SKIC3: variants seen among roughly 807,000 people sequenced by gnomAD.
SKIC3 encodes the protein SKI3 subunit of superkiller complex.
the SKIC3 span, among the ~76,000 whole-genome samples, chr5:95,465,727 T>C: frequency 6.6e-6 from 1 of 152,232 alleles, no homozygotes; most frequent in African/African-American, 2.4e-5. Flanking sequence ...TTCCCACATA[T>C]GCAGTCGGTT....
the SKIC3 span, chr5:95,516,877 T>C: frequency 3.2e-6 from 5 of 1,559,410 alleles, no homozygotes; most frequent in South Asian, 3.5e-5. Context: ...AAGCATTATG[T>C]TTTTGAAAAG....
the SKIC3 span, among the ~76,000 whole-genome samples, chr5:95,492,704 T>TAAAAAAA: frequency 5.4e-5 from 4 of 73,860 alleles, no homozygotes; most frequent in Non-Finnish European, 9.2e-5. Context: ...ACAACTAAAC[T>TAAAAAAA]AGATAACAGC....
chr5:95,492,652 GAAAAAAAAAAAAA>G, the SKIC3 span, among the ~76,000 whole-genome samples: 48 of 48,826 alleles, frequency 9.8e-4, no homozygotes, highest in Admixed American at 9.6e-3. Flanking sequence ...AAAAAAAAAA[GAAAAAAAAAAAAA>G]AAAAAAAAAA....
At chr5:95,529,071 T>G in the SKIC3 span, 3 of 1,613,718 alleles carry the variant, frequency 1.9e-6, no homozygotes, top group South Asian at 1.1e-5. Context: ...GATGATACCA[T>G]CCACTTGTGC....
At chr5:95,541,192 C>G in the SKIC3 span, 1 of 952,038 alleles carries the variant, frequency 1.1e-6, no homozygotes, top group Non-Finnish European at 1.7e-6. Context: ...TCTCGAACTC[C>G]CGACCTCAGG....
At chr5:95,509,288 C>G in the SKIC3 span, among the ~76,000 whole-genome samples, 2 of 152,024 alleles carry the variant, frequency 1.3e-5, no homozygotes, top group Non-Finnish European at 2.9e-5. Context: ...GTCACACAAC[C>G]AGGAAAAGTT....
the SKIC3 span, chr5:95,550,457 T>C: frequency 2.2e-5 from 3 of 135,302 alleles, no homozygotes; most frequent in Admixed American, 7.3e-5. Context: ...TAATGACCCA[T>C]AGTCTGACAT....
chr5:95,528,452 C>G, the SKIC3 span, among the ~76,000 whole-genome samples: 2 of 152,058 alleles, frequency 1.3e-5, no homozygotes, highest in African/African-American at 4.8e-5. Flanking sequence ...TAAAGGTTAG[C>G]CCACAACCAA....
At chr5:95,516,441 A>G in the SKIC3 span, 1 of 1,612,786 alleles carries the variant, frequency 6.2e-7, no homozygotes, top group East Asian at 2.2e-5. Flanking sequence ...TTCTTAAAAT[A>G]GGCCCCTTGT....
chr5:95,523,397 C>A, the SKIC3 span: 7 of 1,470,302 alleles, frequency 4.8e-6, no homozygotes, highest in Admixed American at 1.8e-5. Context: ...ATGTAAAGTA[C>A]ACAAACATAT....
At chr5:95,517,350 C>A in the SKIC3 span, 2,192 of 1,603,278 alleles carry the variant, frequency 1.4e-3, 10 homozygotes, top group Middle Eastern at 1.3e-3. Flanking sequence ...GTGATTCTTA[C>A]AAATTATTTA....
At chr5:95,552,056 A>C in the SKIC3 span, among the ~76,000 whole-genome samples, 1 of 152,198 alleles carries the variant, frequency 6.6e-6, no homozygotes, top group Non-Finnish European at 1.5e-5. Context: ...TTACCTATAC[A>C]AACGGCCCCT....
the SKIC3 span, chr5:95,517,284 T>G: frequency 6.2e-7 from 1 of 1,613,246 alleles, no homozygotes; most frequent in Non-Finnish European, 8.5e-7. Flanking sequence ...CCCAGCTAGC[T>G]TCCAGAGGCA....
the SKIC3 span, chr5:95,517,393 A>C: frequency 1.3e-5 from 20 of 1,533,700 alleles, no homozygotes; most frequent in Non-Finnish European, 8.9e-7. Flanking sequence ...CCTGATTATT[A>C]CTTAAAACAG....
the SKIC3 span, among the ~76,000 whole-genome samples, chr5:95,504,842 A>C: frequency 6.6e-6 from 1 of 152,010 alleles, no homozygotes; most frequent in Non-Finnish European, 1.5e-5. Flanking sequence ...CTCTAATAAA[A>C]AAAAATACAA....
the SKIC3 span, chr5:95,464,536 G>T: frequency 8.5e-7 from 1 of 1,174,356 alleles, no homozygotes; most frequent in Non-Finnish European, 1.2e-6. Context: ...GTTGCTTTGG[G>T]TAGAAGTCTT....
the SKIC3 span, among the ~76,000 whole-genome samples, chr5:95,503,219 G>A: frequency 1.3e-5 from 2 of 152,124 alleles, no homozygotes; most frequent in African/African-American, 2.4e-5. Flanking sequence ...ATTATTATGT[G>A]ACAATCCCTA....
At chr5:95,533,826 T>A in the SKIC3 span, among the ~76,000 whole-genome samples, 5 of 152,326 alleles carry the variant, frequency 3.3e-5, no homozygotes, top group Non-Finnish European at 4.4e-5. Flanking sequence ...TAGACTATTG[T>A]TGATCCTATT....
At chr5:95,527,130 T>A in the SKIC3 span, among the ~76,000 whole-genome samples, 2 of 152,322 alleles carry the variant, frequency 1.3e-5, no homozygotes, top group Non-Finnish European at 2.9e-5. Flanking sequence ...TGCTAGCTCT[T>A]GAGCCCTTTT....
Sources: allele counts gnomAD v4.1 joint callset (sites outside exome capture counted in the v4.1 genomes callset), GRCh38; gene constraint gnomAD v4.1.1; transcripts MANE v1.5; gene names NCBI Gene and HGNC (gene_info 2026-07-23, HGNC 2026-07-21).